The following OSBPL2 variants were observed in gnomAD, a reference collection of about 807,000 sequenced individuals.
The protein encoded by OSBPL2 is oxysterol binding protein like 2.
OSBPL2 carries 18 observed loss-of-function variants against 58.4 expected under a neutral mutation model. The observed-to-expected ratio is 0.31, with a 90% CI of 0.21 to 0.46. The LOEUF (loss-of-function observed/expected upper bound fraction) is 0.46. OSBPL2 is among the 20% of genes least tolerant of loss of function. The probability of loss-of-function intolerance (pLI) is 1.00; values close to 1 mark genes in which losing one functional copy is unlikely to be tolerated. For synonymous variants in OSBPL2, 221 were observed against 234.1 expected (o/e 0.94, Z 0.51); for missense variants, 461 against 616.5 (o/e 0.75, Z 2.67).
chr20:62,282,006 T>G (rs769670686), intron 9 of OSBPL2, 127 bp downstream of exon 9: 23 of 586,498 alleles, frequency 3.9e-5, no homozygotes, highest in Non-Finnish European at 6.8e-5. Context: ...TGCCATCTGT[T>G]CATGGTCCAG....
At chr20:62,292,716 C>T (rs952776215) in intron 13 of OSBPL2, among the ~76,000 whole-genome samples, 17 of 152,148 alleles carry the variant, frequency 1.1e-4, no homozygotes, top group Middle Eastern at 3.4e-3. Flanking sequence ...TTCTCAAGGC[C>T]CAACAACAAT....
chr20:62,249,524 C>T (rs1417406493), intron 1 of OSBPL2, among the ~76,000 whole-genome samples: 12 of 152,200 alleles, frequency 7.9e-5, no homozygotes, highest in Admixed American at 6.5e-5. Context: ...AACTTTGATA[C>T]TCAATTATGA....
At chr20:62,281,971 C>A in intron 9 of OSBPL2, 92 bp downstream of exon 9, 1 of 775,290 alleles carries the variant, frequency 1.3e-6, no homozygotes, top group Non-Finnish European at 2.3e-6. Flanking sequence ...CGTGTGCCTA[C>A]GTGCATGAGA....
chr20:62,240,509 A>G (rs949416311), intron 1 of OSBPL2, among the ~76,000 whole-genome samples: 1 of 152,192 alleles, frequency 6.6e-6, no homozygotes, highest in African/African-American at 2.4e-5. Context: ...TCCTTAGTTC[A>G]TTCATGAGGA....
chr20:62,251,396 T>A (rs1392000937), intron 1 of OSBPL2, among the ~76,000 whole-genome samples: 1 of 148,072 alleles, frequency 6.8e-6, no homozygotes, highest in Non-Finnish European at 1.5e-5. Flanking sequence ...AAGATATTCA[T>A]ACTATCGTGA....
intron 1 of OSBPL2, among the ~76,000 whole-genome samples, chr20:62,252,085 T>C (rs949986044): frequency 9.9e-5 from 15 of 151,396 alleles, no homozygotes; most frequent in East Asian, 2.0e-4. Context: ...GGTTTTGCAA[T>C]GTTGCCCAGG....
At position 62,259,977 on chromosome 20, in the gene OSBPL2, A is replaced by G; in HGVS notation, c.38-4A>G. 1 of 1,611,996 alleles carries G rather than the reference A, an allele frequency of 6.2e-7. No homozygotes were observed. Among genetic ancestry groups the G allele is most frequent in the South Asian group, 1.1e-5 (1 of 90,420 alleles). On this transcript the variant is annotated splice_polypyrimidine_tract_variant and splice_region_variant and intron_variant, in intron 2 of 13. Transcript: ENST00000313733. ...GAAAATGACCATTTTCTTGTCTCGC[A>G]CAGGCTTTGATTCTGATAACTCTTC...
chr20:62,253,173 T>C (rs1480798957), intron 1 of OSBPL2, among the ~76,000 whole-genome samples: 5 of 152,238 alleles, frequency 3.3e-5, no homozygotes, highest in African/African-American at 1.2e-4. Context: ...CGTCTAATGG[T>C]GATGGTCACG....
intron 10 of OSBPL2, 124 bp from the exon 11 acceptor site, chr20:62,286,459 A>C: frequency 8.8e-7 from 1 of 1,142,530 alleles, no homozygotes; most frequent in Non-Finnish European, 1.2e-6. Flanking sequence ...GAAAAAAAAA[A>C]AAAGGAGAAG....
rs1355973416 is a variant in OSBPL2 at position 62,281,894 on chromosome 20, A to C, written c.872+15A>C. ...CAAGACAAAAAGTAGGTCCTTGCCA[A>C]GTGTTCATGGGGCACCACTACAGCC... On this transcript the variant is annotated intron_variant, in intron 9 of 13. Transcript: ENST00000313733. 1 of 1,565,032 alleles carries C rather than the reference A, an allele frequency of 6.4e-7. No homozygotes were observed. Among genetic ancestry groups the C allele is most frequent in the East Asian group, 2.2e-5 (1 of 44,488 alleles).
rs1983687548 is a variant in OSBPL2 at position 62,293,851 on chromosome 20, T to C, written c.1407T>C (p.Phe469=). The C allele has an allele frequency of 6.2e-7, 1 of 1,613,974 alleles. No individual in the cohort carries two copies. Among genetic ancestry groups the C allele is most frequent in the South Asian group, 1.1e-5 (1 of 91,084 alleles). Residue 469 remains phenylalanine (F), a synonymous_variant, in exon 14 of 14, where the codon TTT becomes TTC. Transcript: ENST00000313733. ...ACTGGTTGTATGCAGGGGATTACTT[T>C]GAGCGGAATTTCTCCGACTGCCCAG... is the stretch of plus-strand genomic sequence containing the variant. ...TPDWLYAGDY[F]ERNFSDCPDI...
chr20:62,249,636 G>A lies in OSBPL2; in HGVS notation c.-128-6421G>A, dbSNP rs186764306. 3.5e-4 allele frequency among the ~76,000 whole-genome samples: 54 copies of A among 152,234 alleles called. No homozygotes were observed. In the East Asian group the frequency reaches 6.0e-3, roughly 17 times the overall value. ...GTCGCCCAGGCTGGAGTGCAGTGGC[G>A]CGATCTCGGCTTACTGCAACCTCCG... On this transcript the variant is annotated intron_variant, in intron 1 of 13. Transcript: ENST00000313733.
chr20:62,264,400 C>T (rs1981534450), intron 4 of OSBPL2, among the ~76,000 whole-genome samples: 1 of 152,162 alleles, frequency 6.6e-6, no homozygotes, highest in Non-Finnish European at 1.5e-5. Flanking sequence ...CTGTGAGAAC[C>T]CAAGCTGTGC....
intron 11 of OSBPL2, 29 bp downstream of exon 11, chr20:62,286,740 C>T (rs754652474): frequency 1.9e-6 from 3 of 1,593,904 alleles, no homozygotes; most frequent in Non-Finnish European, 2.6e-6. Context: ...CCTGACGTCT[C>T]TGCCTGCTCA....
chr20:62,280,954 GT>G, intron 7 of OSBPL2, 103 bp from the exon 8 acceptor site: 1 of 800,692 alleles, frequency 1.2e-6, no homozygotes. Flanking sequence ...TCTCCCGCGG[GT>G]GCCGGTTGCT....
At chr20:62,293,551 A>G (rs892271827) in intron 13 of OSBPL2, among the ~76,000 whole-genome samples, 1 of 152,208 alleles carries the variant, frequency 6.6e-6, no homozygotes, top group Non-Finnish European at 1.5e-5. Flanking sequence ...TAAACCCTCA[A>G]GATTTTGTTG....
Position 62,279,288 on chromosome 20 carries a change from G to A in OSBPL2, c.623G>A (p.Gly208Asp). Reference sequence around the variant, plus strand: ...ATCTACCCCAAGCTCAAGTTCTGGGGCAAAAGCGTGGAGGCGGAGCCCCGA... The same window carrying A: ...ATCTACCCCAAGCTCAAGTTCTGGGACAAAAGCGTGGAGGCGGAGCCCCGA... ...GSIYPKLKFW[G>D]KSVEAEPRGT... is the part of the protein sequence containing the mutation. Residue 208 changes from glycine (G) to aspartate (D), a missense_variant, in exon 7 of 14, where the codon GGC (glycine) becomes GAC (aspartate). Around this residue, in one of 5 missense-constraint regions of OSBPL2, gnomAD observed 319 missense variants for 419.2 expected, o/e 0.76. Coordinates refer to ENST00000313733, the MANE Select transcript of OSBPL2 (RefSeq NM_144498.4). The A allele has an allele frequency of 6.2e-7, 1 of 1,614,234 alleles. No individual in the cohort carries two copies. Among genetic ancestry groups the A allele is most frequent in the Non-Finnish European group, 8.5e-7 (1 of 1,180,038 alleles).
chr20:62,274,688 C>G (rs1454102506), intron 6 of OSBPL2, among the ~76,000 whole-genome samples: 2 of 152,354 alleles, frequency 1.3e-5, no homozygotes, highest in East Asian at 3.9e-4. Flanking sequence ...GAGCCCAGCA[C>G]ACAGAGCTCG....
Position 62,286,791 on chromosome 20 carries a change from T to C in OSBPL2, c.1125+80T>C, listed in dbSNP as rs1316209673. 17 of 1,500,598 alleles carry C rather than the reference T, an allele frequency of 1.1e-5. No individual in the cohort carries two copies. The East Asian group carries it at 3.2e-4, about 28-fold the overall frequency. The allele number at this position is 1,500,598 out of a possible 1,614,324, so 93.0% of individuals were successfully genotyped here. On this transcript the variant is annotated intron_variant, in intron 11 of 13. Transcript: ENST00000313733. ...TGGGCCCAGCCCCACGGCTCTTCCC[T>C]GTCCTTGGGCCCTTGCCTGCCGCCT...
Sources: allele counts gnomAD v4.1 joint callset (sites outside exome capture counted in the v4.1 genomes callset), GRCh38; gene constraint gnomAD v4.1.1; regional missense constraint gnomAD v4.1.1; transcripts MANE v1.5; gene names NCBI Gene and HGNC (gene_info 2026-07-23, HGNC 2026-07-21).